Variants in PLPPR1 observed in about 807,000 individuals in gnomAD.
PLPPR1 encodes the protein phospholipid phosphatase-related protein type 1.
PLPPR1 carries 10 observed loss-of-function variants against 33.1 expected under a neutral mutation model. The observed-to-expected ratio is 0.30, with a 90% confidence interval of 0.19 to 0.51. PLPPR1 has a LOEUF of 0.51. Among genes scored for constraint, PLPPR1 ranks in the 20% least tolerant of loss-of-function variants. The pLI is 0.97. For synonymous variants in PLPPR1, 151 were observed against 151.0 expected, an observed-to-expected ratio of 1.00 and a Z score of 0.00; for missense variants, 304 against 408.1, an observed-to-expected ratio of 0.74 and a Z score of 2.20.
chr9:101,192,642 C>T (rs1387750938), intron 2 of PLPPR1, among the ~76,000 whole-genome samples: 2 of 151,962 alleles, frequency 1.3e-5, no homozygotes. Context: ...TATAAAACAA[C>T]AAATTTGAAA....
intron 2 of PLPPR1, among the ~76,000 whole-genome samples, chr9:101,243,677 A>G (rs527260318): frequency 6.6e-6 from 1 of 152,046 alleles, no homozygotes. Context: ...AATTTCTAGG[A>G]GGAGATGTTA....
At chr9:101,060,534 T>C (rs1830333738) in intron 1 of PLPPR1, among the ~76,000 whole-genome samples, 1 of 151,996 alleles carries the variant, frequency 6.6e-6, no homozygotes, top group Admixed American at 6.6e-5. Flanking sequence ...CATTTCTCCA[T>C]ATATACATAT....
chr9:101,120,727 G>C (rs1272175476), intron 1 of PLPPR1, among the ~76,000 whole-genome samples: 1 of 139,520 alleles, frequency 7.2e-6, no homozygotes, highest in East Asian at 2.0e-4. Flanking sequence ...TTGAGGACCA[G>C]TTACTCAGCC....
At chr9:101,077,894 A>G (rs1830559354) in intron 1 of PLPPR1, among the ~76,000 whole-genome samples, 1 of 151,708 alleles carries the variant, frequency 6.6e-6, no homozygotes, top group Admixed American at 6.6e-5. Flanking sequence ...GTTCTGTACC[A>G]CTATCCACTA....
At chr9:101,239,060 AGTGTGTGTGTGTGT>A (rs60620773) in intron 2 of PLPPR1, among the ~76,000 whole-genome samples, 3 of 147,434 alleles carry the variant, frequency 2.0e-5, no homozygotes, top group South Asian at 4.3e-4. Flanking sequence ...AATTTCATTG[AGTGTGTGTGTGTGT>A]GTGTGTGTGT....
rs145000861 is a variant in PLPPR1, at chr9:101,175,959, T to C, written c.-45-9491T>C. ...GACTCAAGAGAGAGAAAAGCCAGAC[T>C]GGCTAAGGACTTCACAACACAAGGA... On this transcript the variant is annotated intron_variant, in intron 1 of 7. Transcript: ENST00000374874. 1.1e-3 allele frequency among the ~76,000 whole-genome samples: 175 copies of C among 152,316 alleles called. 1 individual carries two copies. Among genetic ancestry groups the C allele is most frequent in the African/African-American group, 4.0e-3 (165 of 41,578 alleles).
At chr9:101,096,796 G>T (rs968281564) in intron 1 of PLPPR1, among the ~76,000 whole-genome samples, 2 of 152,124 alleles carry the variant, frequency 1.3e-5, no homozygotes, top group Non-Finnish European at 2.9e-5. Flanking sequence ...CAGGCACAGT[G>T]GTTCACACCT....
intron 2 of PLPPR1, among the ~76,000 whole-genome samples, chr9:101,203,641 CA>C (rs1241971696): frequency 7.0e-6 from 1 of 143,334 alleles, no homozygotes; most frequent in Non-Finnish European, 1.6e-5. Context: ...GACATCTGTG[CA>C]AACACATATA....
intron 3 of PLPPR1, among the ~76,000 whole-genome samples, chr9:101,276,670 T>C (rs1828202612): frequency 6.6e-6 from 1 of 152,248 alleles, no homozygotes; most frequent in African/African-American, 2.4e-5. Flanking sequence ...TATTCACTGT[T>C]CAGATAAAAA....
intron 1 of PLPPR1, among the ~76,000 whole-genome samples, chr9:101,141,596 G>A (rs1202887359): frequency 1.3e-5 from 2 of 152,162 alleles, no homozygotes; most frequent in African/African-American, 2.4e-5. Flanking sequence ...GTTGTATATG[G>A]ATGAGTATTT....
chr9:101,085,347 T>G (rs995138046), intron 1 of PLPPR1, among the ~76,000 whole-genome samples: 1 of 152,214 alleles, frequency 6.6e-6, no homozygotes, highest in African/African-American at 2.4e-5. Flanking sequence ...TGGCTAAAGC[T>G]AGTTTAACTT....
chr9:101,068,460 A>G (rs943443668), intron 1 of PLPPR1, among the ~76,000 whole-genome samples: 1 of 152,058 alleles, frequency 6.6e-6, no homozygotes, highest in Admixed American at 6.6e-5. Context: ...ATTTATGAAT[A>G]CATTTTCAAT....
chr9:101,238,724 T>A (rs1827385801), intron 2 of PLPPR1, among the ~76,000 whole-genome samples: 1 of 151,802 alleles, frequency 6.6e-6, no homozygotes, highest in Non-Finnish European at 1.5e-5. Flanking sequence ...AAGCCCAGAC[T>A]TCACCTCTGT....
intron 1 of PLPPR1, among the ~76,000 whole-genome samples, chr9:101,113,317 A>G (rs1564148415): frequency 6.6e-6 from 1 of 152,006 alleles, no homozygotes; most frequent in Non-Finnish European, 1.5e-5. Context: ...ACACTAAGGC[A>G]TTAGGTCAGT....
intron 2 of PLPPR1, among the ~76,000 whole-genome samples, chr9:101,193,194 G>A (rs1171301181): frequency 6.6e-6 from 1 of 152,166 alleles, no homozygotes; most frequent in African/African-American, 2.4e-5. Flanking sequence ...CAGGAGAGAA[G>A]GAAATACTGC....
intron 1 of PLPPR1, among the ~76,000 whole-genome samples, chr9:101,063,551 A>G (rs978020681): frequency 5.3e-5 from 8 of 152,094 alleles, no homozygotes; most frequent in African/African-American, 1.9e-4. Context: ...AACACAGAAT[A>G]GACATTCTCT....
At chr9:101,245,758 C>T (rs1204437220) in intron 2 of PLPPR1, among the ~76,000 whole-genome samples, 1 of 151,718 alleles carries the variant, frequency 6.6e-6, no homozygotes, top group East Asian at 2.0e-4. Flanking sequence ...ACTGAGTAAC[C>T]TCTACAGTGC....
chr9:101,249,793 T>C (rs10819912), intron 2 of PLPPR1, among the ~76,000 whole-genome samples: 70,592 of 151,870 alleles, frequency 0.46, 17,323 homozygotes, highest in African/African-American at 0.63. Context: ...GTCTTCGCTC[T>C]GGAGATAGAG....
chr9:101,152,615 A>G (rs991803182), intron 1 of PLPPR1, among the ~76,000 whole-genome samples: 2 of 152,168 alleles, frequency 1.3e-5, no homozygotes, highest in Non-Finnish European at 2.9e-5. Context: ...CTTTCTGCAT[A>G]TGGCTAGCCA....
Sources: allele counts gnomAD v4.1 joint callset (sites outside exome capture counted in the v4.1 genomes callset), GRCh38; gene constraint gnomAD v4.1.1; transcripts MANE v1.5; gene names NCBI Gene and HGNC (gene_info 2026-07-23, HGNC 2026-07-21).